Variants in ZFHX3 observed in about 807,000 individuals in gnomAD.
The protein encoded by ZFHX3 is zinc finger homeobox protein 3.
ZFHX3 carries 42 observed loss-of-function variants against 279.1 expected under a neutral mutation model. The observed-to-expected ratio is 0.15, with a 90% confidence interval of 0.12 to 0.19. ZFHX3 has a LOEUF of 0.19. Among genes scored for constraint, ZFHX3 ranks in the 10% least tolerant of loss-of-function variants. The probability of loss-of-function intolerance (pLI) is 1.00; values close to 1 mark genes in which losing one functional copy is unlikely to be tolerated. For synonymous variants in ZFHX3, 2,293 were observed against 1,957.8 expected, an observed-to-expected ratio of 1.17 and a Z score of -4.52; for missense variants, 4,981 against 4,754.0, an observed-to-expected ratio of 1.05 and a Z score of -1.40.
At chr16:73,824,071 G>A (rs328320) in intron 1 of ZFHX3, among the ~76,000 whole-genome samples, 1,944 of 152,192 alleles carry the variant, frequency 0.013, 50 homozygotes, top group African/African-American at 0.043. Flanking sequence ...GAAAATAAAC[G>A]AAAACGATGT....
chr16:73,707,822 T>C (rs2142223161), intron 1 of ZFHX3, among the ~76,000 whole-genome samples: 1 of 148,652 alleles, frequency 6.7e-6, no homozygotes, highest in East Asian at 2.0e-4. Context: ...GAAAAAAAAG[T>C]GGAGAATGAT....
At chr16:72,910,764 A>G (rs1447848843) in intron 3 of ZFHX3, among the ~76,000 whole-genome samples, 1 of 152,234 alleles carries the variant, frequency 6.6e-6, no homozygotes. Flanking sequence ...AATTTCCCAT[A>G]CAATCAAGAT....
chr16:73,757,021 C>T (rs1400802070), intron 1 of ZFHX3, among the ~76,000 whole-genome samples: 1 of 152,078 alleles, frequency 6.6e-6, no homozygotes, highest in Non-Finnish European at 1.5e-5. Flanking sequence ...ACAGGTGTTA[C>T]CCATTAGTCA....
intron 1 of ZFHX3, among the ~76,000 whole-genome samples, chr16:73,743,257 T>A (rs879743848): frequency 1.3e-5 from 2 of 152,210 alleles, no homozygotes; most frequent in Non-Finnish European, 2.9e-5. Context: ...GCAATCTGCT[T>A]CACTCTTTGA....
intron 1 of ZFHX3, among the ~76,000 whole-genome samples, chr16:73,728,015 G>GCCCC (rs3049673): frequency 0.055 from 4,159 of 75,062 alleles, 107 homozygotes; most frequent in Non-Finnish European, 0.07. Context: ...GCCGAATTGT[G>GCCCC]CCCCCCCCCC....
chr16:72,814,605 ACTT>A (rs2036552359), intron 5 of ZFHX3, among the ~76,000 whole-genome samples: 1 of 110,110 alleles, frequency 9.1e-6, no homozygotes, highest in African/African-American at 3.3e-5. Flanking sequence ...GGAGAGGGGA[ACTT>A]CTTTTTTTTT....
chr16:72,834,709 T>C (rs1277397504), intron 4 of ZFHX3, among the ~76,000 whole-genome samples: 1 of 150,888 alleles, frequency 6.6e-6, no homozygotes, highest in East Asian at 2.0e-4. Flanking sequence ...AAGCCAAAAA[T>C]AGAGGTGGCA....
rs149033475 is a variant in ZFHX3 at position 73,090,221 on chromosome 16, C to G, written c.-533+3014G>C. Among the ~76,000 whole-genome samples the G allele has an allele frequency of 9.3e-3, 1,410 of 151,258 alleles. 10 individuals are homozygous for G. The highest frequency in any genetic ancestry group is 0.016 in the Non-Finnish European group (1,052 of 67,710). On this transcript the variant is annotated intron_variant, in intron 8 of 17. Coordinates refer to the ZFHX3 transcript ENST00000641206. ...CCAGCCTCTGCAACATGGGGAAACC[C>G]CATCTCTATGAAAAATACAAAAATT...
intron 5 of ZFHX3, among the ~76,000 whole-genome samples, chr16:73,174,519 T>C (rs1412576105): frequency 6.6e-6 from 1 of 152,092 alleles, no homozygotes; most frequent in African/African-American, 2.4e-5. Context: ...GCATCCTCAC[T>C]GCTTGGGCTG....
chr16:73,464,126 T>C lies in ZFHX3; in HGVS notation c.-1546-7868A>G, dbSNP rs555825377. On this transcript the variant is annotated intron_variant, in intron 2 of 17. Coordinates refer to the ZFHX3 transcript ENST00000641206. ...CTTAGTAAAAGCCATCAAATATTACTGGGAATTATTACTAATTTGTAAACA... is the reference window on the plus strand; with the variant it reads ...CTTAGTAAAAGCCATCAAATATTACCGGGAATTATTACTAATTTGTAAACA... Among the ~76,000 whole-genome samples the C allele has an allele frequency of 7.7e-4, 117 of 152,078 alleles. 1 individual carries two copies. In the Middle Eastern group the frequency reaches 0.01, roughly 13 times the overall value.
intron 8 of ZFHX3, among the ~76,000 whole-genome samples, chr16:73,067,875 A>G (rs1341210575): frequency 6.6e-6 from 1 of 152,148 alleles, no homozygotes; most frequent in Non-Finnish European, 1.5e-5. Context: ...TCCACGGACC[A>G]AGGGCCCCTC....
rs79123785 is a variant in ZFHX3 at position 72,944,699 on chromosome 16, G to A, written c.3216+5770C>T. ...ATGCATTACTCATATTACTTTAACT[G>A]TAAAAAATAGGGAATCCACATTTTA... is the stretch of plus-strand genomic sequence containing the variant. On this transcript the variant is annotated intron_variant, in intron 3 of 9. Coordinates refer to ENST00000268489, the MANE Select transcript of ZFHX3 (RefSeq NM_006885.4). 4.5e-3 allele frequency among the ~76,000 whole-genome samples: 686 copies of A among 152,032 alleles called. 2 individuals carry two copies. Among genetic ancestry groups the A allele is most frequent in the African/African-American group, 0.016 (650 of 41,446 alleles).
At chr16:72,837,387 T>C (rs1412069029) in intron 4 of ZFHX3, among the ~76,000 whole-genome samples, 1 of 151,986 alleles carries the variant, frequency 6.6e-6, no homozygotes, top group East Asian at 1.9e-4. Flanking sequence ...CACAAACAGA[T>C]TTCAGCCCTC....
chr16:73,843,647 A>T (rs1430411671), intron 1 of ZFHX3, among the ~76,000 whole-genome samples: 1 of 152,268 alleles, frequency 6.6e-6, no homozygotes, highest in Non-Finnish European at 1.5e-5. Context: ...TCCTCGTATC[A>T]TCTGCCTTCA....
chr16:73,586,719 C>T (rs1187605167), intron 2 of ZFHX3, among the ~76,000 whole-genome samples: 1 of 152,028 alleles, frequency 6.6e-6, no homozygotes, highest in African/African-American at 2.4e-5. Flanking sequence ...GCAGATGAGG[C>T]AGACAGAAGA....
intron 2 of ZFHX3, among the ~76,000 whole-genome samples, chr16:73,576,800 G>A (rs1010077458): frequency 6.6e-6 from 1 of 152,116 alleles, no homozygotes; most frequent in Admixed American, 6.6e-5. Flanking sequence ...AGGGTTTGTT[G>A]TAAAGATTAT....
chr16:72,995,283 C>T (rs1218284177), intron 1 of ZFHX3, among the ~76,000 whole-genome samples: 2 of 152,100 alleles, frequency 1.3e-5, no homozygotes, highest in Non-Finnish European at 2.9e-5. Flanking sequence ...TCAAACTTTC[C>T]CCTCCACTCT....
intron 4 of ZFHX3, among the ~76,000 whole-genome samples, chr16:73,263,648 C>T (rs1345250523): frequency 6.6e-6 from 1 of 152,176 alleles, no homozygotes; most frequent in Non-Finnish European, 1.5e-5. Context: ...GAGTCACAGA[C>T]CATCGTCCTT....
intron 1 of ZFHX3, among the ~76,000 whole-genome samples, chr16:72,961,349 A>G (rs1961568399): frequency 6.6e-6 from 1 of 152,166 alleles, no homozygotes; most frequent in Non-Finnish European, 1.5e-5. Context: ...CTGAGACCTC[A>G]TGTCCCTGGG....
Sources: allele counts gnomAD v4.1 joint callset (sites outside exome capture counted in the v4.1 genomes callset), GRCh38; gene constraint gnomAD v4.1.1; transcripts MANE v1.5; gene names NCBI Gene and HGNC (gene_info 2026-07-23, HGNC 2026-07-21).